CNTN3: variants seen among roughly 807,000 people sequenced by gnomAD.
CNTN3 encodes the protein contactin-3.
CNTN3 carries 60 observed loss-of-function variants against 119.1 expected under a neutral mutation model. That is an observed-to-expected ratio of 0.50 (90% confidence interval 0.41 to 0.62). The LOEUF (loss-of-function observed/expected upper bound fraction) is 0.62. Ranked by LOEUF, CNTN3 falls within the 20% of genes least tolerant of loss-of-function variation. The probability of loss-of-function intolerance (pLI) is 0.00; values close to 1 mark genes in which losing one functional copy is unlikely to be tolerated. For synonymous variants in CNTN3, 450 were observed against 438.7 expected (o/e 1.03, Z -0.32); for missense variants, 1,101 against 1,242.4 (o/e 0.89, Z 1.71).
chr3:74,460,991 C>T (rs1010204482), intron 4 of CNTN3, among the ~76,000 whole-genome samples: 7 of 151,132 alleles, frequency 4.6e-5, no homozygotes, highest in East Asian at 2.0e-4. Context: ...TTTGAAGATG[C>T]TTTTTATGAA....
intron 13 of CNTN3, among the ~76,000 whole-genome samples, chr3:74,318,994 C>A (rs1183001558): frequency 6.6e-6 from 1 of 152,112 alleles, no homozygotes; most frequent in Admixed American, 6.5e-5. Flanking sequence ...AACTACAAAC[C>A]ACTGCTCAAT....
intron 13 of CNTN3, among the ~76,000 whole-genome samples, chr3:74,313,565 G>A (rs1021616137): frequency 6.6e-6 from 1 of 152,332 alleles, no homozygotes; most frequent in East Asian, 1.9e-4. Flanking sequence ...TGAGGCAGTT[G>A]ATTAATAGAG....
chr3:74,370,115 A>G (rs1704300609), intron 6 of CNTN3, 124 bp from the exon 7 acceptor site: 1 of 565,696 alleles, frequency 1.8e-6, no homozygotes, highest in African/African-American at 2.0e-5. Flanking sequence ...TCAATTAAAT[A>G]AAATTTAGTC....
At position 74,521,140 on chromosome 3, in the gene CNTN3, C is replaced by G. The variant is rs1238966834; in HGVS notation, c.-28G>C. 2.0e-6 allele frequency: 3 copies of G among 1,464,608 alleles called. No individual in the cohort carries two copies. The highest frequency in any genetic ancestry group is 2.4e-5 in the East Asian group (1 of 42,326). The allele number at this position is 1,464,608 out of a possible 1,614,324, so 90.7% of individuals were successfully genotyped here. On this transcript the variant is annotated 5_prime_UTR_variant, in exon 2 of 23. Transcript: ENST00000263665. Reference sequence around the variant, plus strand: ...TTAATTGCCAAATGCAAGAGTAACTCTTGTCCAGTCTCTGATGAATAGAAT... The same window carrying G: ...TTAATTGCCAAATGCAAGAGTAACTGTTGTCCAGTCTCTGATGAATAGAAT...
chr3:74,459,301 A>G (rs546598713), intron 4 of CNTN3, among the ~76,000 whole-genome samples: 1 of 151,980 alleles, frequency 6.6e-6, no homozygotes, highest in East Asian at 1.9e-4. Flanking sequence ...AACCTCTGTC[A>G]CTTCTTCCTC....
intron 4 of CNTN3, among the ~76,000 whole-genome samples, chr3:74,454,708 T>C (rs1407192530): frequency 6.6e-6 from 1 of 152,040 alleles, no homozygotes; most frequent in Non-Finnish European, 1.5e-5. Flanking sequence ...GCAGGCCTGG[T>C]GGTGACAAAA....
chr3:74,363,915 T>A (rs1171781680), intron 10 of CNTN3, among the ~76,000 whole-genome samples: 8 of 152,224 alleles, frequency 5.3e-5, no homozygotes, highest in Non-Finnish European at 4.4e-5. Context: ...AATGTAAATA[T>A]TCTTCTGGAC....
intron 5 of CNTN3, among the ~76,000 whole-genome samples, chr3:74,412,422 C>T (rs534169127): frequency 3.3e-5 from 5 of 152,286 alleles, no homozygotes; most frequent in Admixed American, 2.0e-4. Flanking sequence ...TCAGATACTA[C>T]AGGCCTCCAA....
At chr3:74,467,334 C>T (rs546842205) in intron 4 of CNTN3, among the ~76,000 whole-genome samples, 6 of 152,008 alleles carry the variant, frequency 3.9e-5, no homozygotes, top group Non-Finnish European at 5.9e-5. Flanking sequence ...GATTTGAAGT[C>T]GTAACTCCAA....
chr3:74,391,631 T>A (rs115849389), intron 5 of CNTN3, among the ~76,000 whole-genome samples: 2,189 of 149,068 alleles, frequency 0.015, 38 homozygotes, highest in African/African-American at 0.035. Flanking sequence ...CAGCTGCATG[T>A]TCTTGGCTCA....
At chr3:74,446,481 A>C (rs982223117) in intron 4 of CNTN3, among the ~76,000 whole-genome samples, 1 of 152,148 alleles carries the variant, frequency 6.6e-6, no homozygotes, top group Non-Finnish European at 1.5e-5. Context: ...TGTGCTGTCC[A>C]GTAAAGCAGC....
At chr3:74,408,873 C>T (rs1701389320) in intron 5 of CNTN3, among the ~76,000 whole-genome samples, 1 of 152,060 alleles carries the variant, frequency 6.6e-6, no homozygotes, top group Non-Finnish European at 1.5e-5. Context: ...GGTTGTTTCC[C>T]CAAAGTCTTA....
intron 5 of CNTN3, among the ~76,000 whole-genome samples, chr3:74,380,893 T>C (rs1704600113): frequency 6.6e-6 from 1 of 152,202 alleles, no homozygotes; most frequent in Admixed American, 6.5e-5. Context: ...TTCATTGTTC[T>C]CATCTTGCAT....
At chr3:74,376,030 G>C (rs2106800233) in intron 5 of CNTN3, among the ~76,000 whole-genome samples, 1 of 152,198 alleles carries the variant, frequency 6.6e-6, no homozygotes, top group Non-Finnish European at 1.5e-5. Context: ...CACCAGCAGA[G>C]GTCTAAGCCA....
At position 74,363,264 on chromosome 3, in the gene CNTN3, A is replaced by C. The variant is rs114127541; in HGVS notation, c.1213+1203T>G. ...TCCTGGTACAGATGATGCATTTCTAACTGCCAGGCACTAGAGATGAGAGAG... is the reference window on the plus strand; with the variant it reads ...TCCTGGTACAGATGATGCATTTCTACCTGCCAGGCACTAGAGATGAGAGAG... On this transcript the variant is annotated intron_variant, in intron 10 of 22. Transcript: ENST00000263665. Among the ~76,000 whole-genome samples, 1,096 of 152,212 alleles carry C rather than the reference A, an allele frequency of 7.2e-3. 7 individuals carry two copies. The highest frequency in any genetic ancestry group is 0.025 in the African/African-American group (1,053 of 41,544).
intron 4 of CNTN3, among the ~76,000 whole-genome samples, chr3:74,480,586 C>A (rs369632637): frequency 6.6e-6 from 1 of 151,838 alleles, no homozygotes; most frequent in African/African-American, 2.4e-5. Context: ...ATGTTGAAAG[C>A]AGTTTCTTCT....
intron 11 of CNTN3, among the ~76,000 whole-genome samples, chr3:74,344,608 A>G (rs955131373): frequency 2.0e-5 from 3 of 150,738 alleles, no homozygotes; most frequent in Non-Finnish European, 4.4e-5. Flanking sequence ...CAGGCGGCCG[A>G]CACCACGCCC....
intron 5 of CNTN3, among the ~76,000 whole-genome samples, chr3:74,391,055 A>C (rs75788194): frequency 0.013 from 1,938 of 152,316 alleles, 43 homozygotes; most frequent in African/African-American, 0.041. Flanking sequence ...ATATGAATGA[A>C]AGGGTTTTAA....
At chr3:74,515,055 T>G (rs755760954) in intron 2 of CNTN3, among the ~76,000 whole-genome samples, 1 of 151,822 alleles carries the variant, frequency 6.6e-6, no homozygotes, top group East Asian at 1.9e-4. Context: ...GGGGAGGGAG[T>G]TGGGTATGTG....
Sources: gnomAD v4.1 joint callset for allele counts (sites outside exome capture counted in the v4.1 genomes callset) on GRCh38, gnomAD v4.1.1 for gene constraint, MANE v1.5 for transcripts, NCBI Gene and HGNC (gene_info 2026-07-23, HGNC 2026-07-21) for gene names.